NCALD: variants seen among roughly 807,000 people sequenced by gnomAD.
The protein encoded by NCALD is neurocalcin-delta.
NCALD carries 10 observed loss-of-function variants against 18.6 expected under a neutral mutation model. That is an observed-to-expected ratio of 0.54 (90% confidence interval 0.33 to 0.91). The LOEUF is 0.91. NCALD is among the 40% of genes least tolerant of loss of function. The pLI, the probability that NCALD is intolerant of heterozygous loss-of-function variation, is 0.03. For missense variants in NCALD, 184 were observed against 247.6 expected (o/e 0.74, Z 1.72); for synonymous variants, 88 against 87.4 (o/e 1.01, Z -0.04).
intron 4 of NCALD, among the ~76,000 whole-genome samples, chr8:101,823,868 G>A (rs1172551974): frequency 2.6e-5 from 4 of 152,110 alleles, no homozygotes; most frequent in Non-Finnish European, 2.9e-5. Flanking sequence ...GGAAAATTCT[G>A]GAAAGACTCC....
rs967927163 is a variant in NCALD at position 101,991,310 on chromosome 8, T to A, written c.-157+28927A>T. Among the ~76,000 whole-genome samples, 12 of 152,118 alleles carry A rather than the reference T, an allele frequency of 7.9e-5. 1 individual carries two copies. Among genetic ancestry groups the A allele is most frequent in the Admixed American group, 7.2e-4 (11 of 15,282 alleles). On this transcript the variant is annotated intron_variant, in intron 2 of 6. Coordinates refer to the NCALD transcript ENST00000311028. The stretch of plus-strand genomic sequence containing the variant: ...TAACCTCTCATGGAAACGCCACCAA[T>A]GCTACCTGTTCCTATGAGGCTGCTA...
At chr8:102,024,198 C>T (rs1822377646) in intron 1 of NCALD, among the ~76,000 whole-genome samples, 1 of 152,128 alleles carries the variant, frequency 6.6e-6, no homozygotes, top group African/African-American at 2.4e-5. Flanking sequence ...TATAAACATA[C>T]CAGAAATACC....
At chr8:101,726,055 A>G (rs960511692) in intron 1 of NCALD, among the ~76,000 whole-genome samples, 5 of 152,128 alleles carry the variant, frequency 3.3e-5, no homozygotes, top group African/African-American at 1.2e-4. Flanking sequence ...AAGAGCAAGA[A>G]CAGTGAATGA....
At chr8:102,014,631 A>G (rs148915181) in intron 2 of NCALD, among the ~76,000 whole-genome samples, 51 of 152,356 alleles carry the variant, frequency 3.3e-4, no homozygotes, top group African/African-American at 1.2e-3. Flanking sequence ...ATCAATGATA[A>G]TTGTTCAACT....
At chr8:101,962,427 T>C (rs1192764703) in intron 2 of NCALD, among the ~76,000 whole-genome samples, 1 of 152,238 alleles carries the variant, frequency 6.6e-6, no homozygotes, top group Non-Finnish European at 1.5e-5. Context: ...CAAGCCAATC[T>C]GGCTGCTGGC....
chr8:101,690,023 G>T (rs1246448690), intron 3 of NCALD, among the ~76,000 whole-genome samples: 1 of 152,196 alleles, frequency 6.6e-6, no homozygotes, highest in Non-Finnish European at 1.5e-5. Flanking sequence ...AAGGCAGAGG[G>T]TAACCCATGG....
At chr8:101,699,087 A>AC (rs1234307548) in intron 2 of NCALD, among the ~76,000 whole-genome samples, 1 of 151,626 alleles carries the variant, frequency 6.6e-6, no homozygotes, top group South Asian at 2.1e-4. Context: ...AGGAAAAAAA[A>AC]AACCATCAAA....
intron 4 of NCALD, among the ~76,000 whole-genome samples, chr8:101,829,064 G>C (rs2131232710): frequency 6.6e-6 from 1 of 152,132 alleles, no homozygotes; most frequent in East Asian, 1.9e-4. Context: ...TGATGGGTTT[G>C]AGGAAGACAC....
At chr8:101,850,044 G>A (rs1563825445) in intron 4 of NCALD, among the ~76,000 whole-genome samples, 2 of 152,160 alleles carry the variant, frequency 1.3e-5, no homozygotes, top group African/African-American at 4.8e-5. Flanking sequence ...TCTGAAGAGG[G>A]CTCTGGACTG....
intron 2 of NCALD, among the ~76,000 whole-genome samples, chr8:101,967,442 A>G (rs1460575947): frequency 6.6e-6 from 1 of 152,114 alleles, no homozygotes; most frequent in East Asian, 1.9e-4. Context: ...TTCCTGAGAA[A>G]CCCTTGTTCG....
intron 2 of NCALD, among the ~76,000 whole-genome samples, chr8:101,987,432 AAGG>A (rs1820855635): frequency 6.6e-6 from 1 of 152,080 alleles, no homozygotes; most frequent in Non-Finnish European, 1.5e-5. Context: ...ATTTTTTCCG[AAGG>A]AGAAGGGATA....
At chr8:101,958,946 C>T (rs182565461) in intron 2 of NCALD, among the ~76,000 whole-genome samples, 13 of 152,218 alleles carry the variant, frequency 8.5e-5, no homozygotes, top group Admixed American at 2.6e-4. Context: ...GGTATTTTTC[C>T]TTATCATTCC....
chr8:102,000,233 C>T (rs764377724), intron 2 of NCALD, among the ~76,000 whole-genome samples: 37 of 152,322 alleles, frequency 2.4e-4, no homozygotes, highest in Admixed American at 5.9e-4. Context: ...CCATATTCCG[C>T]GCCTGGCTCA....
At chr8:101,704,793 A>T (rs1441115871) in intron 2 of NCALD, among the ~76,000 whole-genome samples, 2 of 151,680 alleles carry the variant, frequency 1.3e-5, no homozygotes, top group African/African-American at 4.8e-5. Context: ...GGTATCGGGC[A>T]CCTGTAATCC....
intron 1 of NCALD, among the ~76,000 whole-genome samples, chr8:101,724,287 T>C (rs369211694): frequency 1.1e-4 from 16 of 152,234 alleles, no homozygotes; most frequent in East Asian, 5.8e-4. Context: ...GTGGAAACTA[T>C]AATCAGAGTG....
chr8:101,758,426 T>G (rs896737018), intron 1 of NCALD, among the ~76,000 whole-genome samples: 3 of 152,220 alleles, frequency 2.0e-5, no homozygotes, highest in Non-Finnish European at 4.4e-5. Context: ...CAAATCACCA[T>G]TGATCCTGGG....
rs192251444 is a variant in NCALD at position 102,060,272 on chromosome 8, C to T, written c.-209-39983G>A. Among the ~76,000 whole-genome samples the T allele has an allele frequency of 1.1e-3, 173 of 152,304 alleles. 1 individual carries two copies. The highest frequency in any genetic ancestry group is 2.0e-3 in the Admixed American group (31 of 15,308). On this transcript the variant is annotated intron_variant, in intron 1 of 6. Coordinates refer to the NCALD transcript ENST00000311028. ...CTGGGATTACAGGCATGAGCCACTGCGCCCGGCCTGAAGTTGTATTTCTGA... is the reference window on the plus strand; with the variant it reads ...CTGGGATTACAGGCATGAGCCACTGTGCCCGGCCTGAAGTTGTATTTCTGA...
At chr8:101,737,772 G>C (rs1167752790) in intron 1 of NCALD, among the ~76,000 whole-genome samples, 2 of 152,198 alleles carry the variant, frequency 1.3e-5, no homozygotes, top group Admixed American at 6.5e-5. Flanking sequence ...AGCACTGAGT[G>C]CACCTATGGA....
chr8:102,104,950 C>T (rs927127920), intron 1 of NCALD, among the ~76,000 whole-genome samples: 10 of 152,194 alleles, frequency 6.6e-5, no homozygotes, highest in Non-Finnish European at 1.0e-4. Context: ...GAAAGAGAAG[C>T]TCTCTGCTGG....
Sources: gnomAD v4.1 joint callset for allele counts (sites outside exome capture counted in the v4.1 genomes callset) on GRCh38, gnomAD v4.1.1 for gene constraint, MANE v1.5 for transcripts, NCBI Gene and HGNC (gene_info 2026-07-23, HGNC 2026-07-21) for gene names.